The following SLCO5A1 variants were observed in gnomAD, a reference collection of about 807,000 sequenced individuals.
The protein encoded by SLCO5A1 is solute carrier organic anion transporter family member 5A1.
Under a neutral mutation model 65.1 loss-of-function variants are expected in SLCO5A1, and 39 were observed. That is an observed-to-expected ratio of 0.60 (90% CI 0.46 to 0.78). SLCO5A1 has a LOEUF of 0.78. SLCO5A1 is among the 30% of genes least tolerant of loss of function. The probability of loss-of-function intolerance (pLI) is 0.00; values close to 1 mark genes in which losing one functional copy is unlikely to be tolerated. For synonymous variants in SLCO5A1, 438 were observed against 415.7 expected (o/e 1.05, Z -0.65); for missense variants, 1,029 against 1,069.4 (o/e 0.96, Z 0.53).
rs569217916 is a variant in SLCO5A1, at chr8:69,670,586, T to C, written c.*2283A>G. 4 of 152,356 alleles carry C rather than the reference T, an allele frequency of 2.6e-5. No homozygotes were observed. The South Asian group carries it at 6.2e-4, about 24-fold the overall frequency. The allele number at this position is 152,356 out of a possible 1,614,324, so 9.4% of individuals were successfully genotyped here. On this transcript the variant is annotated 3_prime_UTR_variant, in exon 10 of 10. Coordinates refer to ENST00000260126, the MANE Select transcript of SLCO5A1 (RefSeq NM_030958.3). The stretch of plus-strand genomic sequence containing the variant: ...CCCATTTCTTTGAGTTCTGGCCCAA[T>C]CATCCCAAAGGATTTTATGGAGTGG...
intron 2 of SLCO5A1, among the ~76,000 whole-genome samples, chr8:69,783,982 G>A (rs1818908654): frequency 6.6e-6 from 1 of 152,060 alleles, no homozygotes; most frequent in Non-Finnish European, 1.5e-5. Flanking sequence ...AATGGAGGAG[G>A]CTATGCATGT....
intron 6 of SLCO5A1, among the ~76,000 whole-genome samples, chr8:69,698,698 G>A (rs1814598679): frequency 6.6e-6 from 1 of 152,122 alleles, no homozygotes; most frequent in Non-Finnish European, 1.5e-5. Flanking sequence ...ACTTTTTAAT[G>A]GGGCTGATAA....
At chr8:69,787,716 C>A (rs930931011) in intron 2 of SLCO5A1, among the ~76,000 whole-genome samples, 1 of 152,174 alleles carries the variant, frequency 6.6e-6, no homozygotes, top group Non-Finnish European at 1.5e-5. Flanking sequence ...TATGAACTAA[C>A]TATTGGATCT....
intron 2 of SLCO5A1, among the ~76,000 whole-genome samples, chr8:69,824,681 C>T (rs1205536050): frequency 5.9e-5 from 9 of 152,126 alleles, no homozygotes; most frequent in South Asian, 4.1e-4. Flanking sequence ...GATTCACAGC[C>T]AAATTCTACC....
At chr8:69,682,108 G>A in intron 7 of SLCO5A1, 76 bp downstream of exon 7, 3 of 1,457,964 alleles carry the variant, frequency 2.1e-6, no homozygotes, top group Non-Finnish European at 2.8e-6. Context: ...AGTCATTGTA[G>A]CTGCATAGGA....
intron 2 of SLCO5A1, among the ~76,000 whole-genome samples, chr8:69,830,772 T>C (rs1821120205): frequency 6.6e-6 from 1 of 152,194 alleles, no homozygotes; most frequent in Non-Finnish European, 1.5e-5. Context: ...TGTCCACTGA[T>C]GCTGACTTAT....
Position 69,673,091 on chromosome 8 carries a change from A to C in SLCO5A1, c.2325T>G (p.Phe775Leu). 5.6e-6 allele frequency: 9 copies of C among 1,614,222 alleles called. No homozygotes were observed. The highest frequency in any genetic ancestry group is 1.3e-5 in the African/African-American group (1 of 75,054). The change falls in exon 10 of 10, where the codon TTT becomes TTG. Residue 775 changes from phenylalanine to leucine, a missense_variant. By Grantham distance (22) the Phe-to-Leu change is conservative (BLOSUM62 0). Around this residue, in one of 3 missense-constraint regions of SLCO5A1, gnomAD observed 258 missense variants for 237.4 expected, o/e 1.09. Transcript: ENST00000260126. The stretch of plus-strand genomic sequence containing the variant: ...CTCTCTCACTCACGGTGCTCAGGGG[A>C]AATTCTCTCTGCCTCCGCCTCTGCA... The part of the protein sequence containing the change: ...DGLQRRRQRE[F>L]PLSTVSERVG...
intron 2 of SLCO5A1, among the ~76,000 whole-genome samples, chr8:69,804,034 C>T (rs1204060554): frequency 6.6e-6 from 1 of 152,008 alleles, no homozygotes; most frequent in African/African-American, 2.4e-5. Context: ...AAACAGCAGC[C>T]AAGAAAAAAT....
chr8:69,746,188 T>C (rs900010242), intron 4 of SLCO5A1, among the ~76,000 whole-genome samples: 5 of 152,158 alleles, frequency 3.3e-5, no homozygotes, highest in Non-Finnish European at 5.9e-5. Flanking sequence ...GAGTTCTTAG[T>C]CCTGTAGTGA....
rs978960829 is a variant in SLCO5A1, at chr8:69,831,918, C to T, written c.756G>A (p.Pro252=). 6.2e-7 allele frequency: 1 copy of T among 1,606,606 alleles called. No individual in the cohort carries two copies. The highest frequency in any genetic ancestry group is 8.5e-7 in the Non-Finnish European group (1 of 1,177,162). ...STATLEPPAC[P]KDSGGNNHWV... ...AGTGATTATTTCCTCCCGAGTCCTT[C>T]GGACAGGCCGGAGGCTCCAAAGTGG... Residue 252 remains proline (P), a synonymous_variant, in exon 2 of 10, where the codon CCG becomes CCA. Transcript: ENST00000260126.
chr8:69,828,014 G>A (rs552318317), intron 2 of SLCO5A1, among the ~76,000 whole-genome samples: 2 of 152,300 alleles, frequency 1.3e-5, no homozygotes, highest in South Asian at 4.1e-4. Flanking sequence ...AAGGAAGCTC[G>A]AGGGCCCTGG....
chr8:69,688,560 C>T (rs1814101008), intron 6 of SLCO5A1, among the ~76,000 whole-genome samples: 5 of 147,962 alleles, frequency 3.4e-5, no homozygotes, highest in Admixed American at 1.3e-4. Flanking sequence ...TTGTTCAATT[C>T]CCATCTATGA....
At chr8:69,692,431 G>A (rs187484432) in intron 6 of SLCO5A1, among the ~76,000 whole-genome samples, 1 of 152,170 alleles carries the variant, frequency 6.6e-6, no homozygotes, top group African/African-American at 2.4e-5. Flanking sequence ...TGTACACTTA[G>A]GCTACGCTAA....
At chr8:69,791,809 C>T (rs1344391913) in intron 2 of SLCO5A1, among the ~76,000 whole-genome samples, 1 of 152,184 alleles carries the variant, frequency 6.6e-6, no homozygotes, top group Non-Finnish European at 1.5e-5. Context: ...AAGACCTTCT[C>T]TAATAAGTGA....
At chr8:69,716,143 G>A (rs1815524528) in intron 5 of SLCO5A1, among the ~76,000 whole-genome samples, 1 of 152,140 alleles carries the variant, frequency 6.6e-6, no homozygotes, top group Non-Finnish European at 1.5e-5. Context: ...TAAAGCATGT[G>A]TGAGTTCTTC....
chr8:69,692,028 C>A (rs2130798952), intron 6 of SLCO5A1, among the ~76,000 whole-genome samples: 1 of 152,268 alleles, frequency 6.6e-6, no homozygotes, highest in Non-Finnish European at 1.5e-5. Context: ...GTGGGCAGAT[C>A]ACAAGGTCAG....
At chr8:69,793,095 C>T (rs768197409) in intron 2 of SLCO5A1, among the ~76,000 whole-genome samples, 2 of 152,032 alleles carry the variant, frequency 1.3e-5, no homozygotes, top group Non-Finnish European at 2.9e-5. Flanking sequence ...GATTTTCCTG[C>T]CTCAGCCTCC....
Position 69,705,142 on chromosome 8 carries a change from G to C in SLCO5A1, c.1511C>G (p.Ala504Gly). The C allele has an allele frequency of 6.2e-7, 1 of 1,614,114 alleles. No homozygotes were observed. The highest frequency in any genetic ancestry group is 8.5e-7 in the Non-Finnish European group (1 of 1,180,012). The change falls in exon 6 of 10, where the codon GCA (alanine) becomes GGA (glycine). Residue 504 changes from alanine (A) to glycine (G), a missense_variant. Ala to Gly is a moderately conservative substitution (Grantham distance 60, BLOSUM62 0). Coordinates refer to ENST00000260126, the MANE Select transcript of SLCO5A1 (RefSeq NM_030958.3). ...ACCACTGCAGATCATTGCTAGTTTT[G>C]CAGATTCTCTGGCACCAAGTTTCAA... Reference protein sequence around the residue: ...KKLKLGARESAKLAMICSGVS... With the variant: ...KKLKLGARESGKLAMICSGVS...
At chr8:69,775,161 G>C (rs1447387125) in intron 2 of SLCO5A1, among the ~76,000 whole-genome samples, 1 of 152,138 alleles carries the variant, frequency 6.6e-6, no homozygotes, top group Non-Finnish European at 1.5e-5. Context: ...AGGGGAAGAG[G>C]GTTTCAGTAG....
Sources: gnomAD v4.1 joint callset for allele counts (sites outside exome capture counted in the v4.1 genomes callset) on GRCh38, gnomAD v4.1.1 for gene constraint, gnomAD v4.1.1 regional missense constraint, MANE v1.5 for transcripts, NCBI Gene and HGNC (gene_info 2026-07-23, HGNC 2026-07-21) for gene names.